Variants in DYM observed in about 807,000 individuals in gnomAD.
The protein encoded by DYM is dyggve-Melchior-Clausen syndrome protein.
In DYM, 78 loss-of-function variants were observed where a neutral mutation model predicts 93.1. The ratio of observed to expected loss-of-function variants is 0.84; its 90% CI spans 0.70 to 1.01. DYM has a LOEUF of 1.01. DYM is among the 50% of genes least tolerant of loss of function. DYM has a pLI of 0.00. For missense variants in DYM, 789 were observed against 845.0 expected, an observed-to-expected ratio of 0.93 and a Z score of 0.82; for synonymous variants, 321 against 319.7, an observed-to-expected ratio of 1.00 and a Z score of -0.04.
chr18:49,246,441 C>A (rs973877313), intron 13 of DYM, among the ~76,000 whole-genome samples: 1 of 152,126 alleles, frequency 6.6e-6, no homozygotes, highest in African/African-American at 2.4e-5. Flanking sequence ...TCTTATCTGG[C>A]CTTAGCATTT....
At chr18:49,442,682 T>C (rs2081750324) in intron 1 of DYM, among the ~76,000 whole-genome samples, 1 of 152,008 alleles carries the variant, frequency 6.6e-6, no homozygotes, top group African/African-American at 2.4e-5. Flanking sequence ...ATACCAAACA[T>C]GTATTTAGCA....
chr18:49,409,242 C>T (rs2071902997), intron 2 of DYM, among the ~76,000 whole-genome samples: 1 of 148,820 alleles, frequency 6.7e-6, no homozygotes, highest in African/African-American at 2.5e-5. Context: ...CGAGATTGCA[C>T]CACTGCACTC....
chr18:49,401,213 A>C (rs765134228), intron 2 of DYM, among the ~76,000 whole-genome samples: 41 of 152,174 alleles, frequency 2.7e-4, no homozygotes, highest in Non-Finnish European at 5.0e-4. Context: ...TAAATACTTA[A>C]AACTAGTAAT....
At position 49,430,302 on chromosome 18, in the gene DYM, C is replaced by T. The variant is rs760868642; in HGVS notation, c.93G>A (p.Pro31=). The part of the protein sequence containing the change: ...SGTESISEND[P]FWNQLLSFSF... ...AAAATGAGAGAAGCTGATTCCAGAA[C>T]GGGTCATTCTCAGAGATAGATTCCG... Residue 31 remains proline, a synonymous_variant, in exon 2 of 18, where the codon CCG becomes CCA. Coordinates refer to ENST00000675505, the MANE Select transcript of DYM (RefSeq NM_001353214.3). The T allele has an allele frequency of 4.3e-6, 7 of 1,613,938 alleles. No homozygotes were observed. Among genetic ancestry groups the T allele is most frequent in the Admixed American group, 3.3e-5 (2 of 60,002 alleles).
chr18:49,392,521 C>T lies in DYM; in HGVS notation c.141-876G>A, dbSNP rs2069384883. On this transcript the variant is annotated intron_variant, in intron 2 of 17. Coordinates refer to ENST00000675505, the MANE Select transcript of DYM (RefSeq NM_001353214.3). ...TCAACAACAACAAAAACCAAACAAC[C>T]CAATTTTAAAATGGACCAACGACTT... 2.6e-5 allele frequency among the ~76,000 whole-genome samples: 4 copies of T among 151,740 alleles called. No individual in the cohort carries two copies. The South Asian group carries it at 8.3e-4, about 32-fold the overall frequency.
At chr18:49,149,362 C>T (rs1042810235) in intron 15 of DYM, among the ~76,000 whole-genome samples, 14 of 152,146 alleles carry the variant, frequency 9.2e-5, no homozygotes, top group African/African-American at 3.1e-4. Context: ...ATTCCCTCTC[C>T]TGCTTTAGGT....
At chr18:49,296,880 G>A (rs1375380255) in intron 8 of DYM, among the ~76,000 whole-genome samples, 2 of 152,028 alleles carry the variant, frequency 1.3e-5, no homozygotes, top group Admixed American at 1.3e-4. Context: ...TGTCTGACTT[G>A]GATTATACTT....
intron 11 of DYM, among the ~76,000 whole-genome samples, chr18:49,268,721 A>G (rs2094614826): frequency 6.6e-6 from 1 of 152,044 alleles, no homozygotes; most frequent in African/African-American, 2.4e-5. Context: ...TGTAATTTTC[A>G]TTAGTTTTCC....
Position 49,282,157 on chromosome 18 carries a change from G to A in DYM, c.965C>T (p.Ser322Leu). Residue 322 changes from serine (S) to leucine (L), a missense_variant, in exon 10 of 18, where the codon TCA becomes TTA. This residue lies in a region of DYM where 450 missense variants were observed against 436.2 expected (regional missense o/e 1.03). Coordinates refer to ENST00000675505, the MANE Select transcript of DYM (RefSeq NM_001353214.3). ...KNTQDSSPFP[S>L]SIPHAFQINF... ...GATCTGGAAGGCATGTGGAATTGAT[G>A]AGGGGAAAGGACTGCTATCTGGAAT... The A allele has an allele frequency of 6.2e-7, 1 of 1,613,900 alleles. No individual in the cohort carries two copies. Among genetic ancestry groups the A allele is most frequent in the Non-Finnish European group, 8.5e-7 (1 of 1,179,852 alleles).
chr18:49,316,431 GA>G (rs1462289357), intron 8 of DYM, among the ~76,000 whole-genome samples: 1 of 152,066 alleles, frequency 6.6e-6, no homozygotes, highest in Non-Finnish European at 1.5e-5. Flanking sequence ...TAATATATCT[GA>G]AAAAACTTCC....
chr18:49,209,558 C>A lies in DYM; in HGVS notation c.1618G>T (p.Ala540Ser). ...ACAGCAGAGGTTAATAACCTGGAAG[C>A]ATAGGATCTGAGAATGTGAGAGCAA... ...LTCSHILRSY[A>S]SSLFSLLSKK... Residue 540 changes from alanine to serine, a missense_variant, in exon 14 of 18, where the codon GCT (alanine) becomes TCT (serine). Coordinates refer to ENST00000675505, the MANE Select transcript of DYM (RefSeq NM_001353214.3). 2 of 1,289,390 alleles carry A rather than the reference C, an allele frequency of 1.6e-6. No homozygotes were observed. Among genetic ancestry groups the A allele is most frequent in the South Asian group, 2.5e-5 (2 of 80,952 alleles). The allele number at this position is 1,289,390 out of a possible 1,614,324, so 79.9% of individuals were successfully genotyped here. A position where few individuals can be genotyped will look rare whatever the true frequency, so the allele number is the denominator to read the frequency against.
chr18:49,258,624 C>A, intron 11 of DYM, 131 bp from the exon 12 acceptor site: 2 of 686,184 alleles, frequency 2.9e-6, no homozygotes, highest in Admixed American at 2.1e-5. Flanking sequence ...ACAGAGGCCA[C>A]GCAAATGAGT....
intron 15 of DYM, among the ~76,000 whole-genome samples, chr18:49,124,770 A>C (rs1328981243): frequency 2.0e-5 from 3 of 152,172 alleles, no homozygotes; most frequent in Non-Finnish European, 4.4e-5. Context: ...GGCTAACAAT[A>C]TACTGTGGGA....
intron 13 of DYM, among the ~76,000 whole-genome samples, chr18:49,241,819 TC>T (rs2094018638): frequency 6.6e-6 from 1 of 152,192 alleles, no homozygotes; most frequent in South Asian, 2.1e-4. Flanking sequence ...ATAATTCTCT[TC>T]AAACATATTT....
At chr18:49,127,336 T>C (rs1243336811) in intron 15 of DYM, among the ~76,000 whole-genome samples, 3 of 152,218 alleles carry the variant, frequency 2.0e-5, no homozygotes, top group African/African-American at 2.4e-5. Flanking sequence ...TCATATCAAA[T>C]AGAGAAGTTG....
intron 14 of DYM, among the ~76,000 whole-genome samples, chr18:49,205,543 C>G (rs559171311): frequency 6.6e-6 from 1 of 151,918 alleles, no homozygotes; most frequent in Non-Finnish European, 1.5e-5. Flanking sequence ...AATATTATAT[C>G]AAATTCTGGA....
chr18:49,066,988 T>C (rs1232184031), intron 17 of DYM, among the ~76,000 whole-genome samples: 1 of 152,220 alleles, frequency 6.6e-6, no homozygotes, highest in East Asian at 1.9e-4. Context: ...GTCCTTGACA[T>C]CAGGTGTTAC....
intron 17 of DYM, among the ~76,000 whole-genome samples, chr18:49,079,550 G>A (rs1010602919): frequency 6.6e-6 from 1 of 151,846 alleles, no homozygotes; most frequent in East Asian, 1.9e-4. Context: ...AGGACCCTGC[G>A]GCCTTCCGCA....
chr18:49,089,459 G>A (rs1286413997), intron 17 of DYM, among the ~76,000 whole-genome samples: 1 of 152,186 alleles, frequency 6.6e-6, no homozygotes, highest in African/African-American at 2.4e-5. Flanking sequence ...ATCACAAAGT[G>A]AAAGTTCTCT....
Sources: allele counts gnomAD v4.1 joint callset (sites outside exome capture counted in the v4.1 genomes callset), GRCh38; gene constraint gnomAD v4.1.1; regional missense constraint gnomAD v4.1.1; transcripts MANE v1.5; gene names NCBI Gene and HGNC (gene_info 2026-07-23, HGNC 2026-07-21).